ENOX2: variants seen among roughly 807,000 people sequenced by gnomAD.
The protein encoded by ENOX2 is ecto-NOX disulfide-thiol exchanger 2, also known as APK1 antigen.
ENOX2 carries 36 observed loss-of-function variants against 45.0 expected under a neutral mutation model. That is an observed-to-expected ratio of 0.80 (90% CI 0.61 to 1.06). The LOEUF (loss-of-function observed/expected upper bound fraction) is 1.06. ENOX2 is among the 50% of genes least tolerant of loss of function. The pLI is 0.00. For synonymous variants in ENOX2, 174 were observed against 152.3 expected (o/e 1.14, Z -1.05); for missense variants, 423 against 462.5 (o/e 0.91, Z 0.78).
chrX:130,878,548 G>A (rs750063755), intron 2 of ENOX2, among the ~76,000 whole-genome samples: 31 of 111,371 alleles, frequency 2.8e-4, no homozygotes, highest in Non-Finnish European at 4.3e-4. Flanking sequence ...CAATATTCAC[G>A]AACTACTCAA....
At chrX:130,881,331 T>C (rs1054030241) in intron 2 of ENOX2, among the ~76,000 whole-genome samples, 1 of 112,448 alleles carries the variant, frequency 8.9e-6, no homozygotes, top group African/African-American at 3.2e-5. Flanking sequence ...ATTTTCAGGA[T>C]AGTTTTTCCA....
chrX:130,677,148 C>T (rs2037174973), intron 6 of ENOX2, among the ~76,000 whole-genome samples: 1 of 111,816 alleles, frequency 8.9e-6, no homozygotes, highest in African/African-American at 3.3e-5. Context: ...CCAAAAGCTA[C>T]CTTTCTTGAT....
chrX:130,671,517 C>A (rs1432567858), intron 6 of ENOX2, among the ~76,000 whole-genome samples: 2 of 111,527 alleles, frequency 1.8e-5, no homozygotes, highest in Non-Finnish European at 3.8e-5. Context: ...GTTCATAAGG[C>A]AGAGTACCAG....
At chrX:130,890,226 G>A (rs1169525085) in intron 2 of ENOX2, among the ~76,000 whole-genome samples, 1 of 111,336 alleles carries the variant, frequency 9.0e-6, no homozygotes, top group African/African-American at 3.3e-5. Context: ...AAAAGGCAAT[G>A]AGGTGGGAGG....
intron 2 of ENOX2, among the ~76,000 whole-genome samples, chrX:130,819,202 G>A (rs755111206): frequency 1.5e-4 from 17 of 111,783 alleles, no homozygotes; most frequent in African/African-American, 4.9e-4. Flanking sequence ...TTAGAATGGC[G>A]ATCATTAAAA....
chrX:130,822,623 G>C (rs952572783), intron 2 of ENOX2, among the ~76,000 whole-genome samples: 6 of 109,196 alleles, frequency 5.5e-5, no homozygotes, highest in Non-Finnish European at 1.1e-4. Flanking sequence ...ACTGGGGACT[G>C]TTGTGGGGTA....
chrX:130,754,495 A>G (rs1187567852), intron 3 of ENOX2, among the ~76,000 whole-genome samples: 2 of 111,919 alleles, frequency 1.8e-5, no homozygotes, highest in Non-Finnish European at 3.8e-5. Context: ...CCAGGTACCT[A>G]TCAATGGTGG....
intron 2 of ENOX2, among the ~76,000 whole-genome samples, chrX:130,866,894 A>C (rs901356086): frequency 1.8e-5 from 2 of 110,183 alleles, no homozygotes; most frequent in Non-Finnish European, 3.8e-5. Flanking sequence ...GCAGTTCTGA[A>C]ACTCTTTGCT....
At chrX:130,631,806 T>C (rs1322663518) in intron 12 of ENOX2, among the ~76,000 whole-genome samples, 1 of 95,272 alleles carries the variant, frequency 1.0e-5, no homozygotes, top group Non-Finnish European at 2.1e-5. Context: ...CCTTCACCAG[T>C]TTTTTTTTTT....
chrX:130,770,550 C>G (rs781733805), intron 3 of ENOX2, among the ~76,000 whole-genome samples: 2 of 110,738 alleles, frequency 1.8e-5, no homozygotes, highest in African/African-American at 3.3e-5. Context: ...TAAAAAGAAC[C>G]CTTACAAGTC....
intron 2 of ENOX2, among the ~76,000 whole-genome samples, chrX:130,830,869 T>G (rs1038161755): frequency 2.7e-5 from 3 of 111,832 alleles, no homozygotes; most frequent in Non-Finnish European, 3.8e-5. Context: ...CATTCTCTGC[T>G]GAGCAGCTAT....
At chrX:130,783,303 C>T (rs1030797898) in intron 3 of ENOX2, among the ~76,000 whole-genome samples, 2 of 112,116 alleles carry the variant, frequency 1.8e-5, no homozygotes, top group East Asian at 2.8e-4. Flanking sequence ...GTGCTCTCAT[C>T]GGTTTTTCAC....
At chrX:130,782,606 T>C (rs2076913222) in intron 3 of ENOX2, among the ~76,000 whole-genome samples, 1 of 112,044 alleles carries the variant, frequency 8.9e-6, no homozygotes, top group Non-Finnish European at 1.9e-5. Flanking sequence ...TCAGATATGA[T>C]ACATTTGTAA....
At chrX:130,854,841 A>G (rs2078278823) in intron 2 of ENOX2, among the ~76,000 whole-genome samples, 1 of 112,017 alleles carries the variant, frequency 8.9e-6, no homozygotes. Context: ...ATTGATACAG[A>G]AAGGCATTTA....
At chrX:130,827,997 ATT>A (rs763760622) in intron 2 of ENOX2, among the ~76,000 whole-genome samples, 1 of 112,218 alleles carries the variant, frequency 8.9e-6, no homozygotes, top group Non-Finnish European at 1.9e-5. Context: ...AGATATTATC[ATT>A]GTCATTTTTC....
At chrX:130,660,767 T>A (rs2036667777) in intron 9 of ENOX2, among the ~76,000 whole-genome samples, 1 of 112,550 alleles carries the variant, frequency 8.9e-6, no homozygotes, top group Non-Finnish European at 1.9e-5. Flanking sequence ...ATATCCCTCC[T>A]AAAGTTTTTA....
At chrX:130,775,344 C>CACT (rs1305758730) in intron 3 of ENOX2, among the ~76,000 whole-genome samples, 2 of 109,311 alleles carry the variant, frequency 1.8e-5, no homozygotes, top group Non-Finnish European at 3.8e-5. Flanking sequence ...AGCACCACTG[C>CACT]ACTCCAGCCT....
At chrX:130,901,318 C>T (rs2079140736) in intron 2 of ENOX2, among the ~76,000 whole-genome samples, 1 of 112,584 alleles carries the variant, frequency 8.9e-6, no homozygotes, top group Middle Eastern at 4.6e-3. Flanking sequence ...CTCAACTCAA[C>T]TTATAATCTA....
At chrX:130,729,723 T>A (rs1479627082) in intron 3 of ENOX2, among the ~76,000 whole-genome samples, 1 of 112,572 alleles carries the variant, frequency 8.9e-6, no homozygotes, top group Non-Finnish European at 1.9e-5. Context: ...TCAGAAATAC[T>A]AAAAGCGTCA....
Sources: allele counts gnomAD v4.1 joint callset (sites outside exome capture counted in the v4.1 genomes callset), GRCh38; gene constraint gnomAD v4.1.1; transcripts MANE v1.5; gene names NCBI Gene and HGNC (gene_info 2026-07-23, HGNC 2026-07-21).